FAM114A2: variants seen among roughly 807,000 people sequenced by gnomAD.
FAM114A2 encodes the protein family with sequence similarity 114 member A2.
In FAM114A2, 53 loss-of-function variants were observed where a neutral mutation model predicts 58.4. That is an observed-to-expected ratio of 0.91 (90% CI 0.73 to 1.14). The LOEUF (loss-of-function observed/expected upper bound fraction) is 1.14. Ranked by LOEUF, FAM114A2 falls within the 50% of genes most tolerant of loss-of-function variation. The pLI is 0.00. For synonymous variants in FAM114A2, 228 were observed against 211.4 expected, an observed-to-expected ratio of 1.08 and a Z score of -0.68; for missense variants, 601 against 581.1, an observed-to-expected ratio of 1.03 and a Z score of -0.35.
chr5:153,993,176 G>C (rs542828691), intron 13 of FAM114A2, 66 bp from the exon 14 acceptor site: 1 of 1,326,972 alleles, frequency 7.5e-7, no homozygotes. Context: ...TATACTGTAA[G>C]GCAACAGGGG....
chr5:154,001,018 A>G (rs1769933777), intron 11 of FAM114A2, among the ~76,000 whole-genome samples: 1 of 152,330 alleles, frequency 6.6e-6, no homozygotes, highest in East Asian at 1.9e-4. Flanking sequence ...TGATTAGTCC[A>G]TCTTTAATAA....
chr5:153,996,754 TG>T (rs34077744), intron 12 of FAM114A2, among the ~76,000 whole-genome samples: 93,211 of 151,674 alleles, frequency 0.61, 29,163 homozygotes, highest in East Asian at 0.87. Context: ...CCCAGCACTT[TG>T]GGAGGCCAAC....
intron 8 of FAM114A2, among the ~76,000 whole-genome samples, chr5:154,013,224 C>G (rs978192004): frequency 1.3e-5 from 2 of 152,080 alleles, no homozygotes; most frequent in Non-Finnish European, 2.9e-5. Flanking sequence ...GGAAAAGAGA[C>G]TGGTTTAGTG....
Position 153,993,047 on chromosome 5 carries a change from A to G in FAM114A2, c.1447T>C (p.Ser483Pro), listed in dbSNP as rs1342813170. 1.9e-6 allele frequency: 3 copies of G among 1,613,542 alleles called. No individual in the cohort carries two copies. Among genetic ancestry groups the G allele is most frequent in the Admixed American group, 3.3e-5 (2 of 60,018 alleles). The stretch of plus-strand genomic sequence containing the variant: ...GATTCAATCTTGTTCTCAATGAGAG[A>G]GATCTCTAGCACAGGTAAGAGTAGC... ...FQLLLPVLEISLIENKIESHR... is the reference protein window; with the variant it reads ...FQLLLPVLEIPLIENKIESHR... Residue 483 changes from serine to proline, a missense_variant, in exon 14 of 14, where the codon TCT becomes CCT. By Grantham distance (74) the Ser-to-Pro change is moderately conservative. Transcript: ENST00000351797.
intron 4 of FAM114A2, 61 bp from the exon 5 acceptor site, chr5:154,029,641 T>G: frequency 1.1e-6 from 1 of 903,254 alleles, no homozygotes; most frequent in Non-Finnish European, 1.8e-6. Context: ...CAGGCTTTAT[T>G]AGCATCTATG....
At chr5:154,004,636 C>A (rs1770231694) in intron 9 of FAM114A2, among the ~76,000 whole-genome samples, 1 of 152,120 alleles carries the variant, frequency 6.6e-6, no homozygotes, top group Non-Finnish European at 1.5e-5. Context: ...GTTACCTGAG[C>A]CAAAATATAG....
chr5:153,991,498 C>CT lies in FAM114A2; in HGVS notation c.*1477dup, dbSNP rs1262018606. The CT allele has an allele frequency of 2.0e-5, 3 of 152,118 alleles. No individual in the cohort carries two copies. Among genetic ancestry groups the CT allele is most frequent in the African/African-American group, 7.2e-5 (3 of 41,430 alleles). The allele number at this position is 152,118 out of a possible 1,614,324, so 9.4% of individuals were successfully genotyped here. A position where few individuals can be genotyped will look rare whatever the true frequency, so the allele number is the denominator to read the frequency against. On this transcript the variant is annotated 3_prime_UTR_variant, in exon 14 of 14. Transcript: ENST00000351797. The stretch of plus-strand genomic sequence containing the variant: ...TCAAGCTGGAAAGGGTGAAATTTGT[C>CT]TTTAAAAAGGAATATTCAAAAACTT...
chr5:154,019,658 C>T (rs1173023522), intron 8 of FAM114A2, among the ~76,000 whole-genome samples: 1 of 152,152 alleles, frequency 6.6e-6, no homozygotes, highest in East Asian at 1.9e-4. Flanking sequence ...GTCACCAAAA[C>T]AGCATGGTAT....
chr5:154,019,990 AC>A (rs1771298262), intron 8 of FAM114A2, among the ~76,000 whole-genome samples: 2 of 152,166 alleles, frequency 1.3e-5, no homozygotes, highest in Non-Finnish European at 2.9e-5. Context: ...GGATTAAGAA[AC>A]TCACTAAAAA....
At chr5:154,012,433 A>G (rs1437449977) in intron 8 of FAM114A2, among the ~76,000 whole-genome samples, 1 of 152,218 alleles carries the variant, frequency 6.6e-6, no homozygotes, top group Non-Finnish European at 1.5e-5. Context: ...TCTCTGCAAC[A>G]TGGAATGCAG....
At chr5:154,023,694 G>A (rs1453936976) in intron 8 of FAM114A2, among the ~76,000 whole-genome samples, 5 of 152,024 alleles carry the variant, frequency 3.3e-5, no homozygotes, top group Non-Finnish European at 7.4e-5. Context: ...TACTGCTCAG[G>A]TGATAGGTGC....
intron 4 of FAM114A2, among the ~76,000 whole-genome samples, chr5:154,031,312 C>CAA (rs59757780): frequency 6.3e-5 from 3 of 47,842 alleles, no homozygotes; most frequent in East Asian, 8.2e-4. Context: ...ACTCCCTCTC[C>CAA]AAAAAAAAAA....
chr5:154,002,876 T>A lies in FAM114A2; in HGVS notation c.1087A>T (p.Thr363Ser). 6.2e-7 allele frequency: 1 copy of A among 1,614,108 alleles called. No homozygotes were observed. ...EGEKQSEAEN[T>S]EQVNKNSIED... ...ATTGAATTTTTGTTGACTTGCTCAG[T>A]ATTTTCTGCTTCCGACTGTTTTTCT... The change falls in exon 10 of 14, where the codon ACT becomes TCT. Residue 363 changes from threonine (T) to serine (S), a missense_variant. By Grantham distance (58) the Thr-to-Ser change is moderately conservative. Transcript: ENST00000351797.
intron 4 of FAM114A2, among the ~76,000 whole-genome samples, chr5:154,033,547 T>A (rs138896225): frequency 1.3e-5 from 2 of 152,368 alleles, no homozygotes; most frequent in African/African-American, 4.8e-5. Flanking sequence ...GTTAAATGTT[T>A]ATAACAGTCA....
intron 13 of FAM114A2, 129 bp downstream of exon 13, chr5:153,994,790 C>G: frequency 1.6e-6 from 1 of 632,924 alleles, no homozygotes; most frequent in Non-Finnish European, 2.8e-6. Context: ...CTATTTCTGT[C>G]ATATCTACAT....
chr5:154,013,461 A>G (rs1171317704), intron 8 of FAM114A2, among the ~76,000 whole-genome samples: 2 of 152,206 alleles, frequency 1.3e-5, no homozygotes, highest in Non-Finnish European at 2.9e-5. Context: ...TGCATTCTCA[A>G]CCAAAATCAC....
rs768232467 is a variant in FAM114A2, at chr5:154,034,279, T to C, written c.309A>G (p.Val103=). ...LSSASATVAT[V]GQGISNVIEK... ...TAACTAAATGACTGATGATCTTACC[T>C]ACTGTAGCTACTGTAGCCGAGGCTG... The change falls in exon 3 of 14, where the codon GTA becomes GTG. Residue 103 remains valine, a splice_region_variant and synonymous_variant. Transcript: ENST00000351797. 6.5e-7 allele frequency: 1 copy of C among 1,548,688 alleles called. No homozygotes were observed. Among genetic ancestry groups the C allele is most frequent in the Non-Finnish European group, 8.8e-7 (1 of 1,141,468 alleles).
At chr5:154,022,491 G>A (rs752327293) in intron 8 of FAM114A2, among the ~76,000 whole-genome samples, 2 of 152,104 alleles carry the variant, frequency 1.3e-5, no homozygotes, top group South Asian at 2.1e-4. Flanking sequence ...CAACAGATAT[G>A]TCTCAAAAGA....
At chr5:154,010,608 T>A (rs1247451263) in intron 9 of FAM114A2, among the ~76,000 whole-genome samples, 1 of 152,106 alleles carries the variant, frequency 6.6e-6, no homozygotes, top group Non-Finnish European at 1.5e-5. Context: ...GGTAAAGAGG[T>A]AGCAAGCAAT....
Sources: gnomAD v4.1 joint callset for allele counts (sites outside exome capture counted in the v4.1 genomes callset) on GRCh38, gnomAD v4.1.1 for gene constraint, MANE v1.5 for transcripts, NCBI Gene and HGNC (gene_info 2026-07-23, HGNC 2026-07-21) for gene names.